Variants in AFF3 observed in about 807,000 individuals in gnomAD.
AFF3 encodes the protein AF4/FMR2 family member 3.
AFF3 carries 32 observed loss-of-function variants against 129.7 expected under a neutral mutation model. That is an observed-to-expected ratio of 0.25 (90% confidence interval 0.19 to 0.33). The LOEUF (loss-of-function observed/expected upper bound fraction) is 0.33. Among genes scored for constraint, AFF3 ranks in the 10% least tolerant of loss-of-function variants. The pLI is 1.00. For missense variants in AFF3, 1,373 were observed against 1,592.0 expected (o/e 0.86, Z 2.34); for synonymous variants, 644 against 635.4 (o/e 1.01, Z -0.20).
At chr2:99,556,720 G>A (rs1444110736) in intron 22 of AFF3, among the ~76,000 whole-genome samples, 1 of 152,042 alleles carries the variant, frequency 6.6e-6, no homozygotes, top group Non-Finnish European at 1.5e-5. Flanking sequence ...ACAGGAGTTC[G>A]AGAAGGGTCT....
intron 8 of AFF3, among the ~76,000 whole-genome samples, chr2:99,802,137 C>T (rs1042457513): frequency 3.3e-5 from 5 of 152,322 alleles, no homozygotes; most frequent in African/African-American, 1.2e-4. Flanking sequence ...TCAAAGCTCA[C>T]TACTTAGGCC....
chr2:99,996,521 C>T (rs1436857823), intron 7 of AFF3, among the ~76,000 whole-genome samples: 3 of 147,236 alleles, frequency 2.0e-5, no homozygotes, highest in South Asian at 2.1e-4. Flanking sequence ...CCACCACGCC[C>T]GGCTAATTTT....
intron 4 of AFF3, among the ~76,000 whole-genome samples, chr2:100,084,981 A>G (rs1689305841): frequency 6.6e-6 from 1 of 151,870 alleles, no homozygotes. Context: ...ATATTAGCAT[A>G]TTGCATATAA....
chr2:99,662,793 T>C (rs1686360629), intron 12 of AFF3, among the ~76,000 whole-genome samples: 1 of 152,196 alleles, frequency 6.6e-6, no homozygotes, highest in African/African-American at 2.4e-5. Flanking sequence ...CTACACAATT[T>C]TGGCAGGATT....
At chr2:99,921,526 C>T (rs1054565149) in intron 7 of AFF3, among the ~76,000 whole-genome samples, 1 of 152,040 alleles carries the variant, frequency 6.6e-6, no homozygotes, top group African/African-American at 2.4e-5. Context: ...AATAACTGTA[C>T]CATGGTCATG....
chr2:99,548,154 C>T lies in AFF3; in HGVS notation c.*3320G>A, dbSNP rs1343544712. The T allele has an allele frequency of 1.5e-5, 3 of 199,800 alleles. No individual in the cohort carries two copies. The highest frequency in any genetic ancestry group is 2.3e-5 in the African/African-American group (1 of 43,454). The allele number at this position is 199,800 out of a possible 1,614,324, so 12.4% of individuals were successfully genotyped here. A position where few individuals can be genotyped will look rare whatever the true frequency, so the allele number is the denominator to read the frequency against. On this transcript the variant is annotated 3_prime_UTR_variant, in exon 25 of 25. Transcript: ENST00000672756. ...CTCTCTTTCAAAGGCAATTGAACATCGTGATAAAGGATAGCATCTATTCAG... is the reference window on the plus strand; with the variant it reads ...CTCTCTTTCAAAGGCAATTGAACATTGTGATAAAGGATAGCATCTATTCAG...
chr2:100,007,344 T>C lies in AFF3; in HGVS notation c.291A>G (p.Lys97=), dbSNP rs1220146330. 1 of 1,614,122 alleles carries C rather than the reference T, an allele frequency of 6.2e-7. No individual in the cohort carries two copies. The highest frequency in any genetic ancestry group is 1.7e-5 in the Admixed American group (1 of 60,022). ...SNQSHLVGVP[K]PGVPQTPVNK... ...TCACAGGAGTCTGAGGAACCCCAGG[T>C]TTGGGAACTCCAACGAGATGACTCT... The change falls in exon 6 of 25, where the codon AAA becomes AAG. Residue 97 remains lysine (K), a synonymous_variant. Transcript: ENST00000672756.
intron 8 of AFF3, among the ~76,000 whole-genome samples, chr2:99,774,843 C>T (rs1210653193): frequency 6.6e-6 from 1 of 152,040 alleles, no homozygotes; most frequent in Non-Finnish European, 1.5e-5. Flanking sequence ...CAATCTATGC[C>T]TCTGACAAAG....
intron 7 of AFF3, among the ~76,000 whole-genome samples, chr2:99,848,117 G>C (rs1689867824): frequency 6.6e-6 from 1 of 152,082 alleles, no homozygotes; most frequent in Admixed American, 6.6e-5. Context: ...GGGCATGGTG[G>C]TGTGTGCCGG....
chr2:99,556,977 G>C (rs1014279451), intron 22 of AFF3, among the ~76,000 whole-genome samples: 9 of 151,894 alleles, frequency 5.9e-5, no homozygotes, highest in Non-Finnish European at 1.3e-4. Context: ...ATAAGTTCTG[G>C]AGATCTATTG....
intron 7 of AFF3, among the ~76,000 whole-genome samples, chr2:99,977,775 T>C (rs1250735451): frequency 2.0e-5 from 3 of 152,094 alleles, no homozygotes; most frequent in African/African-American, 4.8e-5. Context: ...CCCCTTCATC[T>C]CACCTGTTGT....
At chr2:99,674,864 C>A (rs1209915093) in intron 11 of AFF3, among the ~76,000 whole-genome samples, 2 of 152,190 alleles carry the variant, frequency 1.3e-5, no homozygotes, top group Non-Finnish European at 2.9e-5. Context: ...AAAGTCACCA[C>A]AACGGTCAAA....
At chr2:99,750,789 T>C (rs913843093) in intron 9 of AFF3, among the ~76,000 whole-genome samples, 3 of 152,158 alleles carry the variant, frequency 2.0e-5, no homozygotes, top group Non-Finnish European at 4.4e-5. Context: ...CTACTCAAGG[T>C]ATCCTTATTA....
chr2:99,984,698 C>T (rs1410234634), intron 7 of AFF3, among the ~76,000 whole-genome samples: 2 of 152,072 alleles, frequency 1.3e-5, no homozygotes, highest in Non-Finnish European at 2.9e-5. Flanking sequence ...ACCAACCCCC[C>T]AACCCCATCA....
In AFF3 at chr2:100,007,130, A is replaced by G; in HGVS notation, c.487+18T>C. The G allele has an allele frequency of 6.2e-7, 1 of 1,612,540 alleles. No individual in the cohort carries two copies. On this transcript the variant is annotated intron_variant, in intron 6 of 24. Transcript: ENST00000672756. ...TTAGCAGATTTGTGCAAATCAAGCAACCTGTGCCTGTGCTTACTTGCTCTC... is the reference window on the plus strand; with the variant it reads ...TTAGCAGATTTGTGCAAATCAAGCAGCCTGTGCCTGTGCTTACTTGCTCTC...
chr2:99,941,140 T>TA (rs148855909), intron 7 of AFF3, among the ~76,000 whole-genome samples: 15,039 of 152,108 alleles, frequency 0.099, 940 homozygotes, highest in Non-Finnish European at 0.13. Context: ...CAGGAAAAAC[T>TA]AACCCCTGCC....
intron 11 of AFF3, among the ~76,000 whole-genome samples, chr2:99,683,621 T>G (rs1342365098): frequency 6.6e-6 from 1 of 152,050 alleles, no homozygotes; most frequent in African/African-American, 2.4e-5. Context: ...CTAATTTTTG[T>G]AGGGACGAGA....
Position 99,699,146 on chromosome 2 carries a change from A to G in AFF3, c.1092-26557T>C, listed in dbSNP as rs192723396. On this transcript the variant is annotated intron_variant, in intron 11 of 24. Coordinates refer to ENST00000672756, the MANE Select transcript of AFF3 (RefSeq NM_001386135.1). Reference sequence around the variant, plus strand: ...CATTTTGGGATAACAGTTATATAATATAAAGGTTTCACATGAGTGTCTAGC... The same window carrying G: ...CATTTTGGGATAACAGTTATATAATGTAAAGGTTTCACATGAGTGTCTAGC... Among the ~76,000 whole-genome samples, 178 of 152,334 alleles carry G rather than the reference A, an allele frequency of 1.2e-3. 1 individual carries two copies. Among genetic ancestry groups the G allele is most frequent in the Middle Eastern group, 3.4e-3 (1 of 294 alleles).
chr2:99,639,862 A>AT (rs996087300), intron 13 of AFF3, among the ~76,000 whole-genome samples: 60 of 147,200 alleles, frequency 4.1e-4, no homozygotes, highest in South Asian at 6.5e-4. Context: ...TAATTTTTGT[A>AT]TTTTTTTTTT....
Sources: gnomAD v4.1 joint callset for allele counts (sites outside exome capture counted in the v4.1 genomes callset) on GRCh38, gnomAD v4.1.1 for gene constraint, MANE v1.5 for transcripts, NCBI Gene and HGNC (gene_info 2026-07-23, HGNC 2026-07-21) for gene names.